The following GSTZ1 variants were observed in gnomAD, a reference collection of about 807,000 sequenced individuals.
GSTZ1 encodes the protein maleylacetoacetate isomerase.
A neutral mutation model predicts 35.9 loss-of-function variants in GSTZ1; 34 were observed. The ratio of observed to expected loss-of-function variants is 0.95; its 90% CI spans 0.72 to 1.26. GSTZ1 has a LOEUF of 1.26. Ranked by LOEUF, GSTZ1 falls within the 50% of genes most tolerant of loss-of-function variation. The pLI is 0.00. For missense variants in GSTZ1, 263 were observed against 271.7 expected (o/e 0.97, Z 0.23); for synonymous variants, 93 against 101.2 (o/e 0.92, Z 0.49).
At chr14:77,321,814 C>T (rs1892012091) in intron 1 of GSTZ1, among the ~76,000 whole-genome samples, 1 of 149,372 alleles carries the variant, frequency 6.7e-6, no homozygotes, top group Admixed American at 6.7e-5. Context: ...ACCCAGGAGG[C>T]GGAGCTTGCA....
chr14:77,327,824 AGAG>A (rs1892407934), intron 4 of GSTZ1, 85 bp from the exon 5 acceptor site: 8 of 1,281,040 alleles, frequency 6.2e-6, no homozygotes, highest in South Asian at 3.7e-5. Context: ...TGGTGCTGGA[AGAG>A]GAGAAGGAGG....
intron 2 of GSTZ1, 44 bp from the exon 3 acceptor site, chr14:77,326,794 G>A (rs763186113): frequency 2.8e-6 from 4 of 1,413,856 alleles, no homozygotes; most frequent in East Asian, 2.4e-5. Flanking sequence ...TAAGAGTACG[G>A]CGAGAGGCTG....
At position 77,328,171 on chromosome 14, in the gene GSTZ1, C is replaced by T. The variant is rs114162978; in HGVS notation, c.342+134C>T. 1,015 of 861,730 alleles carry T rather than the reference C, an allele frequency of 1.2e-3. 9 individuals carry two copies. In the African/African-American group the frequency reaches 0.015, roughly 13 times the overall value. 53.4% of individuals were successfully genotyped at this position (861,730 alleles called of 1,614,324 possible). A position where few individuals can be genotyped will look rare whatever the true frequency, so the allele number is the denominator to read the frequency against. On this transcript the variant is annotated intron_variant, in intron 5 of 8. Transcript: ENST00000216465. Reference sequence around the variant, plus strand: ...GATTCTCAGGGCCTCTGACCTGGACCATGTGAAAGAAGGGGGTGAAGATCG... The same window carrying T: ...GATTCTCAGGGCCTCTGACCTGGACTATGTGAAAGAAGGGGGTGAAGATCG...
chr14:77,329,374 T>C (rs1892495585), intron 6 of GSTZ1, 173 bp downstream of exon 6: 2 of 623,200 alleles, frequency 3.2e-6, no homozygotes, highest in Non-Finnish European at 2.9e-6. Flanking sequence ...AGACCTTAGC[T>C]CCAGCACTTC....
intron 6 of GSTZ1, chr14:77,329,465 A>T: frequency 5.0e-6 from 3 of 594,934 alleles, no homozygotes; most frequent in Non-Finnish European, 9.0e-6. Flanking sequence ...CCAGCTGGGA[A>T]ACCAAGGCCA....
chr14:77,324,851 T>C lies in GSTZ1; in HGVS notation c.16-19T>C, dbSNP rs139382633. The stretch of plus-strand genomic sequence containing the variant: ...ACCCAGCATGGGTTAACACGCGCCT[T>C]CATCCTCTCTCTCCTCAGCCCATCC... On this transcript the variant is annotated intron_variant, in intron 1 of 8. Coordinates refer to ENST00000216465, the MANE Select transcript of GSTZ1 (RefSeq NM_145870.3). The C allele has an allele frequency of 1.7e-4, 277 of 1,613,522 alleles. 2 individuals are homozygous for C. In the African/African-American group the frequency reaches 3.2e-3, roughly 18 times the overall value.
chr14:77,330,385 C>T, intron 8 of GSTZ1, 26 bp downstream of exon 8: 1 of 1,580,592 alleles, frequency 6.3e-7, no homozygotes. Context: ...GCCACCCTCC[C>T]TTCTCGTGGC....
chr14:77,327,865 CA>C, intron 4 of GSTZ1, 46 bp from the exon 5 acceptor site: 7 of 1,604,594 alleles, frequency 4.4e-6, no homozygotes. Flanking sequence ...CCCTCTGGTC[CA>C]GGGGTCCTGG....
chr14:77,328,947 C>A (rs1594827102), intron 5 of GSTZ1, 176 bp from the exon 6 acceptor site: 8 of 578,524 alleles, frequency 1.4e-5, no homozygotes, highest in South Asian at 1.4e-4. Context: ...GGGATGGCTA[C>A]CTCCCTCCAA....
At chr14:77,327,340 C>T in intron 3 of GSTZ1, 132 bp from the exon 4 acceptor site, 1 of 679,000 alleles carries the variant, frequency 1.5e-6, no homozygotes, top group Non-Finnish European at 2.7e-6. Flanking sequence ...TTACCCTGGG[C>T]CTAGGATTTA....
intron 3 of GSTZ1, chr14:77,327,198 G>A (rs975707004): frequency 3.4e-6 from 2 of 593,088 alleles, no homozygotes; most frequent in Non-Finnish European, 3.0e-6. Flanking sequence ...CCTCTGGATG[G>A]CTGACTAGGG....
chr14:77,324,040 C>T (rs566750263), intron 1 of GSTZ1: 26 of 157,096 alleles, frequency 1.7e-4, no homozygotes, highest in Non-Finnish European at 3.1e-4. Context: ...GCTCCCAGCC[C>T]GCTCCACCAC....
In GSTZ1 at chr14:77,331,296, C is replaced by CG; in HGVS notation, c.*102dup. 1 of 1,325,392 alleles carries CG rather than the reference C, an allele frequency of 7.5e-7. No individual in the cohort carries two copies. Among genetic ancestry groups the CG allele is most frequent in the Non-Finnish European group, 1.0e-6 (1 of 980,484 alleles). The allele number at this position is 1,325,392 out of a possible 1,614,324, so 82.1% of individuals were successfully genotyped here. ...GTCTTAATTGAGGAGATGGGAGACT[C>CG]GAACTCTAGCCCTGGATCTGCCTTC... On this transcript the variant is annotated 3_prime_UTR_variant, in exon 9 of 9. Coordinates refer to ENST00000216465, the MANE Select transcript of GSTZ1 (RefSeq NM_145870.3).
At position 77,330,297 on chromosome 14, in the gene GSTZ1, G is replaced by C. The variant is rs1166139612; in HGVS notation, c.475-13G>C. The C allele has an allele frequency of 6.2e-7, 1 of 1,610,208 alleles. No individual in the cohort carries two copies. Among genetic ancestry groups the C allele is most frequent in the African/African-American group, 1.3e-5 (1 of 74,808 alleles). ...TATGCACCCTGATGGGAACCCACCG[G>C]GACCTCTTTCAGGTGACCATGGCTG... On this transcript the variant is annotated splice_polypyrimidine_tract_variant and intron_variant, in intron 7 of 8. Transcript: ENST00000216465.
chr14:77,321,087 G>C lies in GSTZ1; in HGVS notation c.-82G>C. ...ACGAAAGACACGGGCCTGATTCGTCGAGTCTCACTGAGCCTTAGTCGTCGG... is the reference window on the plus strand; with the variant it reads ...ACGAAAGACACGGGCCTGATTCGTCCAGTCTCACTGAGCCTTAGTCGTCGG... On this transcript the variant is annotated 5_prime_UTR_variant, in exon 1 of 9. Coordinates refer to ENST00000216465, the MANE Select transcript of GSTZ1 (RefSeq NM_145870.3). 2 of 1,330,664 alleles carry C rather than the reference G, an allele frequency of 1.5e-6. No homozygotes were observed. The highest frequency in any genetic ancestry group is 1.5e-5 in the South Asian group (1 of 64,874). The allele number at this position is 1,330,664 out of a possible 1,614,324, so 82.4% of individuals were successfully genotyped here. A position where few individuals can be genotyped will look rare whatever the true frequency, so the allele number is the denominator to read the frequency against.
chr14:77,322,686 A>G, intron 1 of GSTZ1: 2 of 985,476 alleles, frequency 2.0e-6, no homozygotes, highest in Non-Finnish European at 2.4e-6. Context: ...CTTTCTGCCC[A>G]TCACCTGCTT....
At chr14:77,321,775 C>T (rs910563408) in intron 1 of GSTZ1, among the ~76,000 whole-genome samples, 2 of 150,592 alleles carry the variant, frequency 1.3e-5, no homozygotes, top group Non-Finnish European at 1.5e-5. Context: ...CCCAGCTACT[C>T]GGGAGGCTGA....
At chr14:77,329,101 A>G in intron 5 of GSTZ1, 22 bp from the exon 6 acceptor site, 1 of 1,577,790 alleles carries the variant, frequency 6.3e-7, no homozygotes, top group Non-Finnish European at 8.7e-7. Context: ...GCGCAATCAC[A>G]GATTTTCTTT....
At chr14:77,327,669 T>C in intron 4 of GSTZ1, 117 bp downstream of exon 4, 1 of 793,682 alleles carries the variant, frequency 1.3e-6, no homozygotes, top group Non-Finnish European at 2.2e-6. Context: ...AGAGGCTCAA[T>C]ACAAGACTCG....
Sources: gnomAD v4.1 joint callset for allele counts (sites outside exome capture counted in the v4.1 genomes callset) on GRCh38, gnomAD v4.1.1 for gene constraint, MANE v1.5 for transcripts, NCBI Gene and HGNC (gene_info 2026-07-23, HGNC 2026-07-21) for gene names.